RALGAPA1: variants seen among roughly 807,000 people sequenced by gnomAD.
RALGAPA1 encodes Ral GTPase activating protein catalytic subunit alpha 1, also known as ral GTPase-activating protein subunit alpha-1.
Under a neutral mutation model 269.6 loss-of-function variants are expected in RALGAPA1, and 52 were observed. The ratio of observed to expected loss-of-function variants is 0.19; its 90% CI spans 0.15 to 0.24. The LOEUF (loss-of-function observed/expected upper bound fraction) is 0.24. RALGAPA1 is among the 10% of genes least tolerant of loss of function. The pLI, the probability that RALGAPA1 is intolerant of heterozygous loss-of-function variation, is 1.00. For synonymous variants in RALGAPA1, 817 were observed against 1,008.3 expected (o/e 0.81, Z 3.60); for missense variants, 1,917 against 3,013.9 (o/e 0.64, Z 8.52).
intron 35 of RALGAPA1, among the ~76,000 whole-genome samples, chr14:35,618,987 A>ATT (rs35852423): frequency 3.3e-5 from 5 of 151,338 alleles, no homozygotes; most frequent in African/African-American, 9.7e-5. Context: ...TACCAATGGG[A>ATT]TTTTTTTTTC....
intron 35 of RALGAPA1, among the ~76,000 whole-genome samples, chr14:35,607,788 C>T (rs2059685630): frequency 6.6e-6 from 1 of 152,118 alleles, no homozygotes; most frequent in Non-Finnish European, 1.5e-5. Flanking sequence ...AGCTGGCAGC[C>T]CTATGACAAG....
chr14:35,628,008 G>C, intron 33 of RALGAPA1, 57 bp from the exon 34 acceptor site: 4 of 1,481,258 alleles, frequency 2.7e-6, no homozygotes, highest in Non-Finnish European at 3.6e-6. Context: ...GGAATCATAT[G>C]ACAATGAAAT....
At chr14:35,572,888 G>C in intron 37 of RALGAPA1, 170 bp from the exon 38 acceptor site, 1 of 404,028 alleles carries the variant, frequency 2.5e-6, no homozygotes, top group East Asian at 3.8e-5. Context: ...AGACACTGCA[G>C]AAGACCAGAC....
At chr14:35,555,938 A>T (rs75834286) in intron 39 of RALGAPA1, among the ~76,000 whole-genome samples, 46 of 152,320 alleles carry the variant, frequency 3.0e-4, no homozygotes, top group African/African-American at 1.1e-3. Flanking sequence ...AAGACTGGCA[A>T]TTTTTGAAAG....
chr14:35,775,110 AACT>A, intron 2 of RALGAPA1, 55 bp from the exon 3 acceptor site: 1 of 996,224 alleles, frequency 1.0e-6, no homozygotes, highest in Non-Finnish European at 1.5e-6. Flanking sequence ...CCTCATAATG[AACT>A]TAAAATATTT....
intron 41 of RALGAPA1, among the ~76,000 whole-genome samples, chr14:35,543,656 A>T (rs1265426068): frequency 1.3e-5 from 2 of 152,142 alleles, no homozygotes; most frequent in East Asian, 3.8e-4. Flanking sequence ...TTATTTCTTT[A>T]TTTTGAGAGG....
chr14:35,794,898 A>T (rs2076450393), intron 1 of RALGAPA1, among the ~76,000 whole-genome samples: 1 of 152,256 alleles, frequency 6.6e-6, no homozygotes. Context: ...ATACATTCAG[A>T]TTACAGAAAG....
intron 35 of RALGAPA1, among the ~76,000 whole-genome samples, chr14:35,612,616 G>A (rs2060015449): frequency 6.7e-6 from 1 of 149,004 alleles, no homozygotes; most frequent in Non-Finnish European, 1.5e-5. Context: ...TCGGCTCACT[G>A]CAAGCTCCGC....
At chr14:35,752,701 C>T (rs991497318) in intron 7 of RALGAPA1, among the ~76,000 whole-genome samples, 3 of 151,962 alleles carry the variant, frequency 2.0e-5, no homozygotes, top group Non-Finnish European at 2.9e-5. Flanking sequence ...TATGAGAACT[C>T]TAAGAAGGTG....
At chr14:35,600,989 G>GA (rs914389006) in intron 36 of RALGAPA1, among the ~76,000 whole-genome samples, 2 of 152,208 alleles carry the variant, frequency 1.3e-5, no homozygotes, top group Non-Finnish European at 2.9e-5. Flanking sequence ...AGAATCAGGT[G>GA]AAAGTGCTGA....
At chr14:35,609,196 CAGCCTAGGCGACAGAGCGACA>C (rs1258289608) in intron 35 of RALGAPA1, among the ~76,000 whole-genome samples, 2 of 149,592 alleles carry the variant, frequency 1.3e-5, no homozygotes, top group Admixed American at 6.7e-5. Context: ...CACTGCACTC[CAGCCTAGGCGACAGAGCGACA>C]CTCCGTCTCA....
intron 2 of RALGAPA1, 57 bp from the exon 3 acceptor site, chr14:35,775,112 C>A: frequency 2.1e-6 from 2 of 972,594 alleles, no homozygotes; most frequent in African/African-American, 1.7e-5. Context: ...TCATAATGAA[C>A]TTAAAATATT....
At chr14:35,802,345 C>G (rs1325873159) in intron 1 of RALGAPA1, among the ~76,000 whole-genome samples, 3 of 152,094 alleles carry the variant, frequency 2.0e-5, no homozygotes, top group East Asian at 3.9e-4. Context: ...GTCAGTTCAG[C>G]AGGTTTGTAG....
chr14:35,699,225 A>C (rs894865019), intron 17 of RALGAPA1, among the ~76,000 whole-genome samples: 16 of 152,214 alleles, frequency 1.1e-4, no homozygotes, highest in Non-Finnish European at 2.4e-4. Flanking sequence ...CAGTATGCAC[A>C]ATCATTTTAT....
At chr14:35,566,466 CA>C (rs2056714994) in intron 39 of RALGAPA1, among the ~76,000 whole-genome samples, 1 of 152,080 alleles carries the variant, frequency 6.6e-6, no homozygotes, top group Non-Finnish European at 1.5e-5. Context: ...ATAACTGACA[CA>C]GCAGTACAAT....
Position 35,776,640 on chromosome 14 carries a change from G to T in RALGAPA1, c.107-895C>A, listed in dbSNP as rs1284589520. On this transcript the variant is annotated intron_variant, in intron 1 of 41. Transcript: ENST00000680220. ...TTAGAAACACAAGAGTACTTTCAAA[G>T]CTCAATAAAGCACAAAGGTGGGGAA... 2.6e-5 allele frequency among the ~76,000 whole-genome samples: 4 copies of T among 152,036 alleles called. No individual in the cohort carries two copies. In the East Asian group the frequency reaches 7.7e-4, roughly 29 times the overall value.
intron 1 of RALGAPA1, among the ~76,000 whole-genome samples, chr14:35,783,525 A>C (rs1233646013): frequency 6.6e-6 from 1 of 152,204 alleles, no homozygotes; most frequent in Non-Finnish European, 1.5e-5. Context: ...ATTCTTTCTT[A>C]GATATGACAC....
intron 16 of RALGAPA1, among the ~76,000 whole-genome samples, chr14:35,700,765 T>C (rs2067270420): frequency 6.6e-6 from 1 of 152,232 alleles, no homozygotes; most frequent in African/African-American, 2.4e-5. Context: ...CCTACTTTCA[T>C]ACTCTTTACC....
chr14:35,703,711 T>C lies in RALGAPA1; in HGVS notation c.2267-3409A>G, dbSNP rs934232640. On this transcript the variant is annotated intron_variant, in intron 16 of 41. Coordinates refer to ENST00000680220, the MANE Select transcript of RALGAPA1 (RefSeq NM_001346249.2). ...AGTTACTGACATTTCTATTAGCACA[T>C]ACATTCCTAAGACACATACATCAGT... 6.6e-5 allele frequency among the ~76,000 whole-genome samples: 10 copies of C among 152,308 alleles called. No homozygotes were observed. In the South Asian group the frequency reaches 1.2e-3, roughly 19 times the overall value.
Sources: allele counts gnomAD v4.1 joint callset (sites outside exome capture counted in the v4.1 genomes callset), GRCh38; gene constraint gnomAD v4.1.1; transcripts MANE v1.5; gene names NCBI Gene and HGNC (gene_info 2026-07-23, HGNC 2026-07-21).